The following RAD17 variants were observed in gnomAD, a reference collection of about 807,000 sequenced individuals.
RAD17 encodes cell cycle checkpoint protein RAD17.
In RAD17, 31 loss-of-function variants were observed where a neutral mutation model predicts 81.5. The observed-to-expected ratio is 0.38, with a 90% confidence interval of 0.29 to 0.51. The LOEUF is 0.51. Among genes scored for constraint, RAD17 ranks in the 20% least tolerant of loss-of-function variants. RAD17 has a pLI of 0.88. For synonymous variants in RAD17, 261 were observed against 266.2 expected (o/e 0.98, Z 0.19); for missense variants, 681 against 781.2 (o/e 0.87, Z 1.53).
Position 69,377,447 on chromosome 5 carries a change from A to ATATATATATATG in RAD17, c.351+2747_351+2748insGTATATATATAT, listed in dbSNP as rs1230354989. 5.8e-3 allele frequency among the ~76,000 whole-genome samples: 58 copies of ATATATATATATG among 10,028 alleles called. 1 individual carries two copies. The highest frequency in any genetic ancestry group is 0.021 in the South Asian group (5 of 234). 6.6% of individuals were successfully genotyped at this position (10,028 alleles called of 152,430 possible). ...TGTGTGTGTGTGTGTGTGTATATATATATATATATATATATATATATATAT... is the reference window on the plus strand; with the variant it reads ...TGTGTGTGTGTGTGTGTGTATATATATATATATATATGTATATATATATATATATATATATAT... On this transcript the variant is annotated intron_variant, in intron 6 of 18. Transcript: ENST00000354868.
upstream of RAD17, chr5:69,369,680 G>A (rs1224859108): frequency 4.5e-6 from 7 of 1,555,128 alleles, no homozygotes; most frequent in Middle Eastern, 6.7e-4. Context: ...ACACATTTCC[G>A]TCGCAAAGTT....
chr5:69,369,474 A>C (rs1389517427), upstream of RAD17: 81 of 1,610,952 alleles, frequency 5.0e-5, no homozygotes, highest in Non-Finnish European at 6.7e-5. Flanking sequence ...GGTGAGCAGG[A>C]TGTTCGGAAG....
At chr5:69,376,487 T>C (rs906028875) in intron 6 of RAD17, among the ~76,000 whole-genome samples, 1 of 152,222 alleles carries the variant, frequency 6.6e-6, no homozygotes, top group Non-Finnish European at 1.5e-5. Context: ...TTTTAAAAAA[T>C]AGACTTATTT....
At chr5:69,369,600 A>AG (rs1762780611), upstream of RAD17, 1 of 1,589,932 alleles carries the variant, frequency 6.3e-7, no homozygotes, top group Non-Finnish European at 8.6e-7. Flanking sequence ...AAGGCCCCGA[A>AG]GCCCACCGCG....
At chr5:69,369,553 C>G (rs1762775032), upstream of RAD17, 1 of 1,609,094 alleles carries the variant, frequency 6.2e-7, no homozygotes. Context: ...AGGGAGGAGC[C>G]GGAAGGGGCG....
intron 7 of RAD17, among the ~76,000 whole-genome samples, chr5:69,382,721 A>G (rs141397025): frequency 1.2e-3 from 187 of 152,366 alleles, no homozygotes; most frequent in African/African-American, 4.3e-3. Flanking sequence ...AACAATATCA[A>G]ATGAAAGCAA....
At chr5:69,410,992 TATATAC>T (rs1242516110) in intron 18 of RAD17, among the ~76,000 whole-genome samples, 46 of 144,922 alleles carry the variant, frequency 3.2e-4, no homozygotes, top group Non-Finnish European at 5.0e-4. Flanking sequence ...TATATATATA[TATATAC>T]TGTTCATTTT....
rs764220555 is a variant in RAD17 at position 69,386,470 on chromosome 5, GTC to G, written c.894+9_894+10del. ...GTGACTATAGAAGCTAACAAGGTAA[GTC>G]TCTGATTAATTAAACCTTACTCGAT... On this transcript the variant is annotated splice_donor_region_variant and intron_variant, in intron 11 of 18. Coordinates refer to ENST00000354868, the MANE Select transcript of RAD17 (RefSeq NM_133338.3). 5.7e-6 allele frequency: 9 copies of G among 1,576,550 alleles called. No homozygotes were observed. In the Admixed American group the frequency reaches 5.7e-5, roughly 10 times the overall value.
chr5:69,410,965 C>CTATATATATATA (rs1554044686), intron 18 of RAD17, among the ~76,000 whole-genome samples: 1,593 of 90,024 alleles, frequency 0.018, 66 homozygotes, highest in African/African-American at 0.042. Flanking sequence ...AGATGTCTGT[C>CTATATATATATA]TATATATATA....
chr5:69,400,011 AT>A, intron 16 of RAD17, 37 bp from the exon 17 acceptor site: 2 of 1,404,358 alleles, frequency 1.4e-6, no homozygotes, highest in Non-Finnish European at 1.9e-6. Context: ...TTTTAATTTC[AT>A]TTTTCCTTTC....
chr5:69,373,561 T>TG (rs1347298374), intron 4 of RAD17, among the ~76,000 whole-genome samples: 20 of 151,970 alleles, frequency 1.3e-4, no homozygotes, highest in African/African-American at 4.8e-4. Context: ...AAAAATTAGT[T>TG]GGGCATGGTG....
At chr5:69,379,195 C>T (rs1763694474) in intron 6 of RAD17, among the ~76,000 whole-genome samples, 1 of 152,134 alleles carries the variant, frequency 6.6e-6, no homozygotes, top group Non-Finnish European at 1.5e-5. Context: ...GAGATAGTGC[C>T]ACTGTGCCCC....
intron 15 of RAD17, among the ~76,000 whole-genome samples, chr5:69,395,642 A>G (rs529178055): frequency 1.6e-4 from 24 of 152,146 alleles, no homozygotes; most frequent in African/African-American, 5.8e-4. Context: ...TATCAAAATG[A>G]CCCCTGTACC....
At chr5:69,375,289 T>A (rs978969152) in intron 6 of RAD17, among the ~76,000 whole-genome samples, 287 of 152,352 alleles carry the variant, frequency 1.9e-3, no homozygotes, top group Non-Finnish European at 2.9e-3. Context: ...CTAGTGTATT[T>A]AGCACATCAG....
chr5:69,386,087 A>G lies in RAD17; in HGVS notation c.690A>G (p.Glu230=), dbSNP rs773282604. The G allele has an allele frequency of 1.1e-5, 17 of 1,600,836 alleles. No individual in the cohort carries two copies. Among genetic ancestry groups the G allele is most frequent in the Admixed American group, 1.7e-5 (1 of 58,348 alleles). The change falls in exon 9 of 19, where the codon GAA becomes GAG. Residue 230 remains glutamate (E), a synonymous_variant. Transcript: ENST00000354868. ...QFYRDSHTLH[E]VLRKYVRIGR... ...ATCGGGATTCTCATACTTTACATGA[A>G]GTTCTAAGGTAGGTTTCAGTGAAGT...
chr5:69,377,725 T>TGAAATA (rs1763604983), intron 6 of RAD17, among the ~76,000 whole-genome samples: 4 of 27,416 alleles, frequency 1.5e-4, no homozygotes, highest in Admixed American at 9.3e-4. Context: ...AAAAGTATTT[T>TGAAATA]CTTTATGGTT....
chr5:69,389,107 GA>G lies in RAD17; in HGVS notation c.970del (p.Ser324ValfsTer3), dbSNP rs766272803. The G allele has an allele frequency of 1.1e-5, 17 of 1,589,482 alleles. No homozygotes were observed. The highest frequency in any genetic ancestry group is 1.5e-5 in the Non-Finnish European group (17 of 1,167,622). On this transcript the variant is annotated frameshift_variant, in exon 12 of 19. Transcript: ENST00000354868. LOFTEE classifies it high-confidence loss of function. Reference protein sequence around the residue: ...LLCQGCSGDIRSAINSLQFSS... With the variant: ...LLCQGCSGDIXSAINSLQFSS... The stretch of plus-strand genomic sequence containing the variant: ...TGTCAGGGATGTTCTGGTGATATCA[GA>G]AGTGCAATAAACAGCCTCCAGTTTT...
At chr5:69,378,585 A>T (rs1054644509) in intron 6 of RAD17, among the ~76,000 whole-genome samples, 3 of 152,190 alleles carry the variant, frequency 2.0e-5, no homozygotes, top group African/African-American at 4.8e-5. Context: ...CAAATACTGA[A>T]CCATTATTCT....
At chr5:69,371,378 A>G (rs563977100) in intron 2 of RAD17, 76 bp from the exon 3 acceptor site, 4 of 500,100 alleles carry the variant, frequency 8.0e-6, no homozygotes, top group African/African-American at 2.0e-5. Context: ...TGATTATATC[A>G]GTATACATTT....
Sources: gnomAD v4.1 joint callset for allele counts (sites outside exome capture counted in the v4.1 genomes callset) on GRCh38, gnomAD v4.1.1 for gene constraint, MANE v1.5 for transcripts, NCBI Gene and HGNC (gene_info 2026-07-23, HGNC 2026-07-21) for gene names.